RBFOX1: variants seen among roughly 807,000 people sequenced by gnomAD.
RBFOX1 encodes the protein RNA binding protein fox-1 homolog 1.
A neutral mutation model predicts 57.7 loss-of-function variants in RBFOX1; 8 were observed. The ratio of observed to expected loss-of-function variants is 0.14; its 90% CI spans 0.08 to 0.25. The LOEUF (loss-of-function observed/expected upper bound fraction) is 0.25, where lower values mean the gene tolerates loss of function less well. Ranked by LOEUF, RBFOX1 falls within the 10% of genes least tolerant of loss-of-function variation. RBFOX1 has a pLI of 1.00. For missense variants in RBFOX1, 611 were observed against 548.5 expected, an observed-to-expected ratio of 1.11 and a Z score of -1.14; for synonymous variants, 326 against 222.4, an observed-to-expected ratio of 1.47 and a Z score of -4.15.
intron 4 of RBFOX1, among the ~76,000 whole-genome samples, chr16:7,303,345 C>A (rs2096077972): frequency 6.6e-6 from 1 of 152,192 alleles, no homozygotes; most frequent in Admixed American, 6.5e-5. Context: ...AACGTCTCAG[C>A]ACTCCACCTC....
intron 3 of RBFOX1, among the ~76,000 whole-genome samples, chr16:5,725,461 C>G (rs116440059): frequency 6.6e-6 from 1 of 151,738 alleles, no homozygotes; most frequent in African/African-American, 2.4e-5. Flanking sequence ...TGAGGTCTTT[C>G]TTTGTTTTCC....
At chr16:7,385,606 G>T (rs2097861869) in intron 4 of RBFOX1, among the ~76,000 whole-genome samples, 1 of 152,148 alleles carries the variant, frequency 6.6e-6, no homozygotes, top group Non-Finnish European at 1.5e-5. Flanking sequence ...AGATTAGGTG[G>T]TGGTCATCTC....
chr16:6,009,957 C>A (rs917572008), intron 4 of RBFOX1, among the ~76,000 whole-genome samples: 1 of 152,120 alleles, frequency 6.6e-6, no homozygotes, highest in African/African-American at 2.4e-5. Context: ...ACATACACTG[C>A]AGTTGGACAG....
intron 3 of RBFOX1, among the ~76,000 whole-genome samples, chr16:5,694,697 G>A (rs1194800537): frequency 2.0e-5 from 3 of 151,866 alleles, no homozygotes; most frequent in Non-Finnish European, 4.4e-5. Flanking sequence ...GACTGGCCCT[G>A]ACTCCCGATT....
chr16:7,482,396 C>T (rs1470292928), intron 4 of RBFOX1, among the ~76,000 whole-genome samples: 2 of 152,112 alleles, frequency 1.3e-5, no homozygotes, highest in Non-Finnish European at 2.9e-5. Context: ...GTGATTGCTG[C>T]GTCAGGGCCA....
chr16:7,457,882 A>AATACTCCAATGTCCAGTTAACGTAT (rs1465744057), intron 4 of RBFOX1, among the ~76,000 whole-genome samples: 25 of 152,012 alleles, frequency 1.6e-4, no homozygotes, highest in African/African-American at 6.0e-4. Context: ...CCCCCTCCCC[A>AATACTCCAATGTCCAGTTAACGTAT]ATACTCTAAT....
chr16:6,686,019 A>G (rs575245618), intron 3 of RBFOX1, among the ~76,000 whole-genome samples: 2 of 152,286 alleles, frequency 1.3e-5, no homozygotes, highest in African/African-American at 4.8e-5. Flanking sequence ...AATACTGCAT[A>G]TTGACAAAAA....
At chr16:6,929,927 C>T (rs949754292) in intron 3 of RBFOX1, among the ~76,000 whole-genome samples, 7 of 152,186 alleles carry the variant, frequency 4.6e-5, no homozygotes, top group African/African-American at 1.7e-4. Flanking sequence ...AAAACATCCA[C>T]TATGCATTCC....
At chr16:5,293,387 C>G (rs2063581726) in intron 1 of RBFOX1, among the ~76,000 whole-genome samples, 1 of 152,156 alleles carries the variant, frequency 6.6e-6, no homozygotes, top group Non-Finnish European at 1.5e-5. Flanking sequence ...AAATAGTCAT[C>G]TTCAATGAGA....
chr16:7,340,214 G>T (rs1031664890), intron 4 of RBFOX1, among the ~76,000 whole-genome samples: 8 of 152,146 alleles, frequency 5.3e-5, no homozygotes, highest in Non-Finnish European at 8.8e-5. Flanking sequence ...CAAAATCTAG[G>T]TTCTTGTTAT....
At chr16:7,049,978 G>C (rs922657476) in intron 3 of RBFOX1, among the ~76,000 whole-genome samples, 7 of 152,136 alleles carry the variant, frequency 4.6e-5, no homozygotes, top group Non-Finnish European at 7.4e-5. Context: ...ACCCCAAATA[G>C]AAACCTCATA....
At chr16:7,479,057 G>C (rs1197158858) in intron 4 of RBFOX1, among the ~76,000 whole-genome samples, 2 of 151,936 alleles carry the variant, frequency 1.3e-5, no homozygotes. Flanking sequence ...CAGGAAAGTG[G>C]AGTCATAGGC....
At chr16:7,443,794 A>G (rs1485885750) in intron 4 of RBFOX1, among the ~76,000 whole-genome samples, 3 of 152,200 alleles carry the variant, frequency 2.0e-5, no homozygotes, top group Admixed American at 6.5e-5. Flanking sequence ...TATTTTATAC[A>G]TTACAAAACC....
chr16:6,636,202 G>A (rs945376734), intron 2 of RBFOX1, among the ~76,000 whole-genome samples: 8 of 152,092 alleles, frequency 5.3e-5, no homozygotes, highest in Non-Finnish European at 1.0e-4. Context: ...ATGGAGTCTC[G>A]CTCTGTCGCC....
chr16:7,417,373 AAAG>A (rs1453316918), intron 4 of RBFOX1, among the ~76,000 whole-genome samples: 2 of 20,596 alleles, frequency 9.7e-5, no homozygotes, highest in Non-Finnish European at 2.0e-4. Context: ...ACTCTGTGTC[AAAG>A]AAAAAAAAAA....
intron 1 of RBFOX1, among the ~76,000 whole-genome samples, chr16:6,114,750 C>A (rs998239173): frequency 1.3e-5 from 2 of 152,030 alleles, no homozygotes; most frequent in African/African-American, 4.8e-5. Context: ...CGGGCAAGTC[C>A]AAAAGTTGGG....
At chr16:6,599,383 T>C (rs2097820157) in intron 2 of RBFOX1, among the ~76,000 whole-genome samples, 1 of 152,176 alleles carries the variant, frequency 6.6e-6, no homozygotes, top group South Asian at 2.1e-4. Context: ...AATGAGTCTC[T>C]TCCTTGGGAG....
intron 3 of RBFOX1, among the ~76,000 whole-genome samples, chr16:5,855,815 T>C (rs1243418114): frequency 6.6e-6 from 1 of 152,022 alleles, no homozygotes; most frequent in Non-Finnish European, 1.5e-5. Context: ...TTGGGTTGTA[T>C]GGATATTTTA....
At chr16:6,483,408 T>G in intron 2 of RBFOX1, 1 of 1,534,588 alleles carries the variant, frequency 6.5e-7, no homozygotes, top group Non-Finnish European at 8.7e-7. Flanking sequence ...TCATTTACAT[T>G]GCTAGCACGT....
Sources: allele counts gnomAD v4.1 joint callset (sites outside exome capture counted in the v4.1 genomes callset), GRCh38; gene constraint gnomAD v4.1.1; transcripts MANE v1.5; gene names NCBI Gene and HGNC (gene_info 2026-07-23, HGNC 2026-07-21).